SAMD3: variants seen among roughly 807,000 people sequenced by gnomAD.
SAMD3 encodes the protein sterile alpha motif domain containing 3.
SAMD3 carries 63 observed loss-of-function variants against 58.5 expected under a neutral mutation model. That is an observed-to-expected ratio of 1.08 (90% confidence interval 0.88 to 1.33). The LOEUF is 1.33. Among genes scored for constraint, SAMD3 ranks in the 40% most tolerant of loss-of-function variants. The probability of loss-of-function intolerance (pLI) is 0.00; values close to 1 mark genes in which losing one functional copy is unlikely to be tolerated. For synonymous variants in SAMD3, 220 were observed against 210.3 expected (o/e 1.05, Z -0.40); for missense variants, 604 against 608.4 (o/e 0.99, Z 0.08).
At chr6:130,154,711 AAAAAAAAATATATATAT>A (rs1562373055) in intron 9 of SAMD3, 97 bp downstream of exon 9, 36 of 127,024 alleles carry the variant, frequency 2.8e-4, no homozygotes, top group Non-Finnish European at 4.4e-4. Flanking sequence ...AAAAAAAAAA[AAAAAAAAATATATATAT>A]ATATATATAT....
intron 1 of SAMD3, among the ~76,000 whole-genome samples, chr6:130,325,598 C>G (rs959070221): frequency 6.6e-6 from 1 of 152,196 alleles, no homozygotes; most frequent in Admixed American, 6.5e-5. Context: ...ATGCTCATCT[C>G]TTCTGGAAAC....
chr6:130,182,193 A>G lies in SAMD3; in HGVS notation c.654+1910T>C, dbSNP rs542529647. On this transcript the variant is annotated intron_variant, in intron 7 of 11. Coordinates refer to ENST00000439090, the MANE Select transcript of SAMD3 (RefSeq NM_001017373.4). ...CAGTTTTGTCAGCCATATTGACATG[A>G]TTGTCAATGTTGGGATGCCAGGTTT... Among the ~76,000 whole-genome samples the G allele has an allele frequency of 7.2e-5, 11 of 152,220 alleles. 1 individual carries two copies. In the South Asian group the frequency reaches 2.3e-3, roughly 32 times the overall value.
intron 5 of SAMD3, among the ~76,000 whole-genome samples, chr6:130,192,767 C>T (rs2114745051): frequency 6.6e-6 from 1 of 152,300 alleles, no homozygotes; most frequent in East Asian, 1.9e-4. Context: ...ATCCCCTGTC[C>T]TCCTGCTCTT....
At chr6:130,276,182 G>C (rs1217295138) in intron 2 of SAMD3, among the ~76,000 whole-genome samples, 1 of 152,102 alleles carries the variant, frequency 6.6e-6, no homozygotes, top group Non-Finnish European at 1.5e-5. Context: ...CTTTAGAAGA[G>C]AGAAAAAGTA....
At chr6:130,183,993 A>T (rs1792666251) in intron 7 of SAMD3, 110 bp downstream of exon 7, 1 of 794,642 alleles carries the variant, frequency 1.3e-6, no homozygotes, top group Non-Finnish European at 2.2e-6. Flanking sequence ...TGAGAGAGAG[A>T]GAGAGAGACA....
chr6:130,184,679 T>C, intron 5 of SAMD3, 56 bp from the exon 6 acceptor site: 1 of 1,430,808 alleles, frequency 7.0e-7, no homozygotes, highest in South Asian at 1.3e-5. Flanking sequence ...ATGCAGTTTA[T>C]TAATTTGCTA....
At chr6:130,338,402 G>T (rs1259678722) in intron 1 of SAMD3, among the ~76,000 whole-genome samples, 1 of 152,226 alleles carries the variant, frequency 6.6e-6, no homozygotes, top group Non-Finnish European at 1.5e-5. Flanking sequence ...GGAAATGTGG[G>T]GTTGTAGCCC....
At chr6:130,232,023 ATTAAT>A (rs1469227863) in intron 2 of SAMD3, among the ~76,000 whole-genome samples, 2 of 152,168 alleles carry the variant, frequency 1.3e-5, no homozygotes, top group Non-Finnish European at 2.9e-5. Flanking sequence ...TTTAATTTTA[ATTAAT>A]TTAAATTCAA....
Position 130,155,026 on chromosome 6 carries a change from C to A in SAMD3, c.823-1G>T. On this transcript the variant is annotated splice_acceptor_variant, in intron 8 of 11. Transcript: ENST00000439090. LOFTEE classifies it high-confidence loss of function. ...CAGAATCAAAACAAACAGCTTCTTC[C>A]TGCAAAACATTTTCAACATATCAAT... 1 of 1,611,492 alleles carries A rather than the reference C, an allele frequency of 6.2e-7. No homozygotes were observed. Among genetic ancestry groups the A allele is most frequent in the Non-Finnish European group, 8.5e-7 (1 of 1,178,590 alleles).
chr6:130,144,784 C>A lies in SAMD3; in HGVS notation c.1299G>T (p.Val433=), dbSNP rs747757405. The change falls in exon 12 of 12, where the codon GTG becomes GTT. Residue 433 remains valine, a synonymous_variant. Transcript: ENST00000439090. The part of the protein sequence containing the change: ...MNEQVQVSTP[V]LEVKNPFNME... Reference sequence around the variant, plus strand: ...TGTTGAAAGGGTTTTTAACTTCCAACACAGGTGTGGACACTTGCACCTGAA... The same window carrying A: ...TGTTGAAAGGGTTTTTAACTTCCAAAACAGGTGTGGACACTTGCACCTGAA... 13 of 1,613,618 alleles carry A rather than the reference C, an allele frequency of 8.1e-6. No homozygotes were observed. The East Asian group carries it at 2.7e-4, about 33-fold the overall frequency.
At chr6:130,251,065 GTT>G (rs1440335563) in intron 2 of SAMD3, among the ~76,000 whole-genome samples, 1 of 152,166 alleles carries the variant, frequency 6.6e-6, no homozygotes, top group Non-Finnish European at 1.5e-5. Context: ...GTGAATGCAG[GTT>G]TGAATTTCTC....
At chr6:130,237,790 A>C (rs184584887) in intron 2 of SAMD3, among the ~76,000 whole-genome samples, 1 of 152,304 alleles carries the variant, frequency 6.6e-6, no homozygotes, top group East Asian at 1.9e-4. Context: ...AAGTAAATGC[A>C]ACCTCCAAAT....
intron 2 of SAMD3, among the ~76,000 whole-genome samples, chr6:130,288,229 T>C (rs1327179410): frequency 6.6e-6 from 1 of 152,162 alleles, no homozygotes; most frequent in Non-Finnish European, 1.5e-5. Context: ...TGGCTCACCA[T>C]ATTGTGGGGG....
intron 2 of SAMD3, among the ~76,000 whole-genome samples, chr6:130,267,750 CCTGGT>C (rs1334724967): frequency 2.6e-5 from 4 of 152,144 alleles, no homozygotes; most frequent in African/African-American, 7.2e-5. Flanking sequence ...TGTGAAACTT[CCTGGT>C]CTGTTCTGTT....
At chr6:130,323,194 A>T (rs1776643240) in intron 1 of SAMD3, among the ~76,000 whole-genome samples, 1 of 152,184 alleles carries the variant, frequency 6.6e-6, no homozygotes, top group Non-Finnish European at 1.5e-5. Flanking sequence ...GTGAGAGAAC[A>T]GGACAACGGA....
chr6:130,164,606 C>T (rs919414754), intron 8 of SAMD3, among the ~76,000 whole-genome samples: 6 of 152,062 alleles, frequency 3.9e-5, no homozygotes, highest in South Asian at 2.1e-4. Context: ...ATTACACTGC[C>T]GCACCTGATA....
intron 8 of SAMD3, among the ~76,000 whole-genome samples, chr6:130,164,410 C>G (rs1790541550): frequency 6.6e-6 from 1 of 152,090 alleles, no homozygotes; most frequent in Admixed American, 6.6e-5. Flanking sequence ...ATATATTTCC[C>G]CACGCTAAAG....
chr6:130,283,501 C>T (rs542202627), intron 2 of SAMD3, among the ~76,000 whole-genome samples: 22 of 151,834 alleles, frequency 1.4e-4, no homozygotes, highest in Admixed American at 3.3e-4. Context: ...AGGCAATCAG[C>T]GAGAAAATAC....
chr6:130,328,242 C>T (rs1776816805), intron 1 of SAMD3, among the ~76,000 whole-genome samples: 1 of 152,324 alleles, frequency 6.6e-6, no homozygotes, highest in Middle Eastern at 3.4e-3. Flanking sequence ...ATTCATATTA[C>T]AGGACCTGCT....
Sources: allele counts gnomAD v4.1 joint callset (sites outside exome capture counted in the v4.1 genomes callset), GRCh38; gene constraint gnomAD v4.1.1; transcripts MANE v1.5; gene names NCBI Gene and HGNC (gene_info 2026-07-23, HGNC 2026-07-21).